The following SOX5 variants were observed in gnomAD, a reference collection of about 807,000 sequenced individuals.
SOX5 encodes the protein SRY-box transcription factor 5.
In SOX5, 9 loss-of-function variants were observed where a neutral mutation model predicts 92.0. The ratio of observed to expected loss-of-function variants is 0.10; its 90% CI spans 0.06 to 0.17. SOX5 has a LOEUF of 0.17. Among genes scored for constraint, SOX5 ranks in the 10% least tolerant of loss-of-function variants. The probability of loss-of-function intolerance (pLI) is 1.00; values close to 1 mark genes in which losing one functional copy is unlikely to be tolerated. For missense variants in SOX5, 642 were observed against 944.5 expected (o/e 0.68, Z 4.20); for synonymous variants, 344 against 336.3 (o/e 1.02, Z -0.25).
intron 1 of SOX5, among the ~76,000 whole-genome samples, chr12:23,906,540 T>A (rs1360738458): frequency 2.0e-5 from 3 of 152,074 alleles, no homozygotes; most frequent in Non-Finnish European, 4.4e-5. Flanking sequence ...GGTCTCTGAG[T>A]CAGCGTGAAA....
intron 4 of SOX5, among the ~76,000 whole-genome samples, chr12:24,182,975 A>G (rs1955660607): frequency 6.6e-6 from 1 of 152,116 alleles, no homozygotes; most frequent in South Asian, 2.1e-4. Context: ...TAGCCTCCCA[A>G]AGTGCTGGGA....
rs935189600 is a variant in SOX5 at position 24,393,952 on chromosome 12, G to A, written c.-250-25313C>T. ...GCAAAATATTCTTAAAATACCCTGCGTGGGGAAAAATAAAACCGTGAGTGG... is the reference window on the plus strand; with the variant it reads ...GCAAAATATTCTTAAAATACCCTGCATGGGGAAAAATAAAACCGTGAGTGG... On this transcript the variant is annotated intron_variant, in intron 1 of 4. Transcript: ENST00000446891. This position sits in a 1 kb window ranked among gnomAD's most constrained non-coding sequence, Gnocchi z 5.0. Among the ~76,000 whole-genome samples, 13 of 152,136 alleles carry A rather than the reference G, an allele frequency of 8.5e-5. No individual in the cohort carries two copies. The highest frequency in any genetic ancestry group is 5.2e-4 in the Admixed American group (8 of 15,274).
At chr12:24,154,535 C>T (rs1951974341) in intron 4 of SOX5, among the ~76,000 whole-genome samples, 1 of 152,028 alleles carries the variant, frequency 6.6e-6, no homozygotes, top group East Asian at 1.9e-4. Flanking sequence ...AATTTGTAAA[C>T]AAGTTAGGTG....
chr12:24,430,662 G>A (rs887865238), intron 1 of SOX5, among the ~76,000 whole-genome samples: 2 of 151,880 alleles, frequency 1.3e-5, no homozygotes, highest in African/African-American at 4.8e-5. Context: ...CATTGTTGAT[G>A]TATAAGCAAC....
chr12:24,018,952 C>T (rs982756980), intron 4 of SOX5, among the ~76,000 whole-genome samples: 31 of 152,196 alleles, frequency 2.0e-4, no homozygotes, highest in African/African-American at 6.5e-4. Context: ...TTAGCAAACA[C>T]AATATAACAT....
intron 1 of SOX5, among the ~76,000 whole-genome samples, chr12:24,473,267 A>G (rs559502287): frequency 1.0e-3 from 157 of 152,202 alleles, no homozygotes; most frequent in African/African-American, 3.7e-3. Flanking sequence ...GAAAAAAAAA[A>G]GCTCTCATAT....
chr12:24,381,233 T>C (rs926141267), intron 1 of SOX5, among the ~76,000 whole-genome samples: 3 of 152,210 alleles, frequency 2.0e-5, no homozygotes, highest in Admixed American at 6.5e-5. Context: ...AAAAACATTC[T>C]GTTTCATAAA....
Position 23,887,562 on chromosome 12 carries a change from C to A in SOX5, c.270+8231G>T, listed in dbSNP as rs140393573. On this transcript the variant is annotated intron_variant, in intron 2 of 14. Coordinates refer to ENST00000451604, the MANE Select transcript of SOX5 (RefSeq NM_006940.6). ...ATCAAGAATTCACGTAAGTCTCCGG[C>A]ATTGCTTCTTAGTGTCCTGGCTATT... 3.3e-3 allele frequency among the ~76,000 whole-genome samples: 498 copies of A among 152,272 alleles called. 1 individual carries two copies. Among genetic ancestry groups the A allele is most frequent in the African/African-American group, 0.012 (479 of 41,560 alleles).
At chr12:23,978,788 T>C (rs1949196803) in intron 4 of SOX5, among the ~76,000 whole-genome samples, 1 of 152,212 alleles carries the variant, frequency 6.6e-6, no homozygotes. Context: ...TGTTAATTTT[T>C]GTACCTCTAT....
At chr12:24,450,382 G>A (rs937741086) in intron 1 of SOX5, among the ~76,000 whole-genome samples, 11 of 151,970 alleles carry the variant, frequency 7.2e-5, no homozygotes, top group East Asian at 3.8e-4. Context: ...ATATTTACGA[G>A]CTATATTAGA....
At chr12:23,656,911 A>G (rs1354637165) in intron 7 of SOX5, among the ~76,000 whole-genome samples, 1 of 151,968 alleles carries the variant, frequency 6.6e-6, no homozygotes, top group Non-Finnish European at 1.5e-5. Flanking sequence ...TGTTTTCTAC[A>G]ATTCTCCATT....
intron 2 of SOX5, among the ~76,000 whole-genome samples, chr12:23,887,896 G>A (rs1334291710): frequency 1.4e-5 from 2 of 145,104 alleles, no homozygotes; most frequent in Non-Finnish European, 3.0e-5. Context: ...TTGAATTGAT[G>A]GTAATTGGTC....
chr12:24,120,971 A>G (rs1948551787), intron 4 of SOX5, among the ~76,000 whole-genome samples: 1 of 152,170 alleles, frequency 6.6e-6, no homozygotes, highest in Non-Finnish European at 1.5e-5. Context: ...CCAGATTCCC[A>G]TGGTCCTTAC....
At chr12:23,883,158 G>T (rs2097018266) in intron 2 of SOX5, among the ~76,000 whole-genome samples, 1 of 151,172 alleles carries the variant, frequency 6.6e-6, no homozygotes, top group African/African-American at 2.4e-5. Flanking sequence ...TCCAGCCTGG[G>T]CGAGAGTGCG....
intron 2 of SOX5, among the ~76,000 whole-genome samples, chr12:24,300,773 C>T (rs1522228): frequency 0.032 from 4,915 of 152,296 alleles, 119 homozygotes; most frequent in Non-Finnish European, 0.051. Flanking sequence ...GTCACCACAA[C>T]TTGTGAGAAC....
intron 1 of SOX5, among the ~76,000 whole-genome samples, chr12:23,918,416 G>A (rs1273614919): frequency 6.6e-6 from 1 of 152,106 alleles, no homozygotes; most frequent in African/African-American, 2.4e-5. Context: ...TAAATTACTA[G>A]TTAAAATACC....
intron 8 of SOX5, among the ~76,000 whole-genome samples, chr12:23,630,077 C>T (rs1566521156): frequency 6.6e-6 from 1 of 151,698 alleles, no homozygotes; most frequent in South Asian, 2.1e-4. Context: ...CTTTGAATGG[C>T]TATACAAGAA....
chr12:24,150,801 G>A (rs1951576963), intron 4 of SOX5, among the ~76,000 whole-genome samples: 1 of 152,098 alleles, frequency 6.6e-6, no homozygotes, highest in Non-Finnish European at 1.5e-5. Context: ...CCTGGACATG[G>A]CAAATGAAAA....
chr12:23,683,012 T>C (rs184667572), intron 6 of SOX5, among the ~76,000 whole-genome samples: 1 of 152,050 alleles, frequency 6.6e-6, no homozygotes, highest in Admixed American at 6.6e-5. Context: ...CATATTTTAA[T>C]GTATATTAAA....
Sources: allele counts gnomAD v4.1 joint callset (sites outside exome capture counted in the v4.1 genomes callset), GRCh38; gene constraint gnomAD v4.1.1; non-coding constraint Gnocchi (gnomAD v3.1); transcripts MANE v1.5; gene names NCBI Gene and HGNC (gene_info 2026-07-23, HGNC 2026-07-21).